Variants in DOK6 observed in about 807,000 individuals in gnomAD.
DOK6 encodes docking protein 6.
In DOK6, 22 loss-of-function variants were observed where a neutral mutation model predicts 44.0. The ratio of observed to expected loss-of-function variants is 0.50; its 90% confidence interval spans 0.36 to 0.71. The LOEUF is 0.71. DOK6 is among the 30% of genes least tolerant of loss of function. The pLI is 0.00. For missense variants in DOK6, 340 were observed against 416.4 expected (o/e 0.82, Z 1.60); for synonymous variants, 166 against 145.5 (o/e 1.14, Z -1.01).
intron 3 of DOK6, among the ~76,000 whole-genome samples, chr18:69,658,570 C>T (rs1018812636): frequency 3.9e-5 from 6 of 152,050 alleles, no homozygotes; most frequent in Non-Finnish European, 7.4e-5. Flanking sequence ...ACATGAAAGC[C>T]AAGAACAGGC....
Position 69,848,189 on chromosome 18 carries a change from T to C in DOK6, c.*6806T>C, listed in dbSNP as rs1055708426. On this transcript the variant is annotated 3_prime_UTR_variant, in exon 8 of 8. Transcript: ENST00000382713. ...AATCTCTAAAATATATTAAATAATG[T>C]GTTATATATTTGCTTTTTGTAAATC... 2.0e-5 allele frequency: 3 copies of C among 152,198 alleles called. No homozygotes were observed. Among genetic ancestry groups the C allele is most frequent in the African/African-American group, 7.2e-5 (3 of 41,448 alleles). The allele number at this position is 152,198 out of a possible 1,614,324, so 9.4% of individuals were successfully genotyped here. A position where few individuals can be genotyped will look rare whatever the true frequency, so the allele number is the denominator to read the frequency against.
chr18:69,739,680 T>G (rs1236092577), intron 6 of DOK6, among the ~76,000 whole-genome samples: 4 of 152,190 alleles, frequency 2.6e-5, no homozygotes, highest in African/African-American at 9.7e-5. Context: ...AGTAGTAAAT[T>G]TTATTAATAT....
At chr18:69,513,788 A>C (rs12454783) in intron 1 of DOK6, among the ~76,000 whole-genome samples, 1 of 151,978 alleles carries the variant, frequency 6.6e-6, no homozygotes, top group Admixed American at 6.6e-5. Flanking sequence ...CCAAAGGATG[A>C]ACATGCTTCT....
At chr18:69,517,860 A>G (rs1431533559) in intron 1 of DOK6, among the ~76,000 whole-genome samples, 6 of 152,074 alleles carry the variant, frequency 3.9e-5, no homozygotes, top group African/African-American at 1.2e-4. Flanking sequence ...CTCTGTCCCA[A>G]TTTAATCTTT....
chr18:69,745,722 G>A (rs935057535), intron 6 of DOK6, among the ~76,000 whole-genome samples: 1 of 152,182 alleles, frequency 6.6e-6, no homozygotes, highest in African/African-American at 2.4e-5. Flanking sequence ...GTACTTAAAA[G>A]GTGTTGAGTG....
At chr18:69,822,523 G>A (rs570288514) in intron 7 of DOK6, among the ~76,000 whole-genome samples, 1 of 152,308 alleles carries the variant, frequency 6.6e-6, no homozygotes, top group South Asian at 2.1e-4. Context: ...TACAAGTTTG[G>A]GGAACCCCAG....
intron 1 of DOK6, among the ~76,000 whole-genome samples, chr18:69,533,164 C>T (rs1472452662): frequency 1.3e-5 from 2 of 152,038 alleles, no homozygotes; most frequent in East Asian, 3.9e-4. Flanking sequence ...TGAAACAAAA[C>T]AGTTCTTTTC....
chr18:69,788,225 TCTC>T (rs1320274789), intron 7 of DOK6, among the ~76,000 whole-genome samples: 4 of 152,044 alleles, frequency 2.6e-5, no homozygotes, highest in Admixed American at 2.6e-4. Flanking sequence ...GCCCTAAAGT[TCTC>T]CTCACAAAGC....
chr18:69,744,795 G>A (rs1041576499), intron 6 of DOK6, among the ~76,000 whole-genome samples: 8 of 151,814 alleles, frequency 5.3e-5, no homozygotes, highest in Admixed American at 2.0e-4. Context: ...GCGTGGTGAC[G>A]GGTGCCTGTA....
intron 3 of DOK6, chr18:69,659,945 TA>T: frequency 9.5e-6 from 1 of 105,078 alleles, no homozygotes; most frequent in African/African-American, 3.1e-5. Context: ...TTTATATATA[TA>T]ACATATATGT....
At chr18:69,723,580 A>G (rs144901781) in intron 5 of DOK6, among the ~76,000 whole-genome samples, 71 of 152,352 alleles carry the variant, frequency 4.7e-4, no homozygotes, top group Admixed American at 9.2e-4. Flanking sequence ...CCATTGGGGA[A>G]GGTGGCAGAG....
At chr18:69,580,194 G>A (rs1268410481) in intron 2 of DOK6, among the ~76,000 whole-genome samples, 2 of 152,034 alleles carry the variant, frequency 1.3e-5, no homozygotes, top group Non-Finnish European at 2.9e-5. Flanking sequence ...GGTGTCAGGT[G>A]GACTGGGTTT....
intron 7 of DOK6, among the ~76,000 whole-genome samples, chr18:69,784,401 A>C (rs1221401663): frequency 6.6e-6 from 1 of 151,916 alleles, no homozygotes; most frequent in Non-Finnish European, 1.5e-5. Flanking sequence ...TCATGGTTTT[A>C]TATGGAGTTT....
At chr18:69,558,588 T>C (rs1211084138) in intron 1 of DOK6, among the ~76,000 whole-genome samples, 1 of 152,162 alleles carries the variant, frequency 6.6e-6, no homozygotes, top group Non-Finnish European at 1.5e-5. Flanking sequence ...CTTTCATTAT[T>C]TGATGAGATG....
At chr18:69,774,047 T>TGA (rs1979967407) in intron 7 of DOK6, among the ~76,000 whole-genome samples, 1 of 144,262 alleles carries the variant, frequency 6.9e-6, no homozygotes, top group Admixed American at 7.0e-5. Context: ...AAAGAATTTG[T>TGA]GAGATATATA....
At chr18:69,663,291 C>T (rs1407529692) in intron 3 of DOK6, 1 of 152,000 alleles carries the variant, frequency 6.6e-6, no homozygotes, top group African/African-American at 2.4e-5. Flanking sequence ...GATTAGAAAT[C>T]AGAGGATGAA....
At chr18:69,529,073 T>C (rs1202619346) in intron 1 of DOK6, among the ~76,000 whole-genome samples, 1 of 152,236 alleles carries the variant, frequency 6.6e-6, no homozygotes, top group Non-Finnish European at 1.5e-5. Context: ...TTTGTGTGTG[T>C]GTGCTTTGTG....
chr18:69,525,791 T>C (rs1374474677), intron 1 of DOK6, among the ~76,000 whole-genome samples: 3 of 152,198 alleles, frequency 2.0e-5, no homozygotes, highest in Admixed American at 6.5e-5. Flanking sequence ...AAAAGTTTCT[T>C]TATGCACATC....
At position 69,401,099 on chromosome 18, in the gene DOK6, C is replaced by A. The variant is rs1467409919; in HGVS notation, c.-146C>A. On this transcript the variant is annotated 5_prime_UTR_variant, in exon 1 of 8. Coordinates refer to ENST00000382713, the MANE Select transcript of DOK6 (RefSeq NM_152721.6). ...CCTGCAGGCGACCCCGCGTCCCCAC[C>A]GGCGGGAGCTCGGGGAAGAGCGGGC... is the stretch of plus-strand genomic sequence containing the variant. 3 of 721,484 alleles carry A rather than the reference C, an allele frequency of 4.2e-6. No individual in the cohort carries two copies. Among genetic ancestry groups the A allele is most frequent in the East Asian group, 4.5e-5 (1 of 22,256 alleles). The allele number at this position is 721,484 out of a possible 1,614,324, so 44.7% of individuals were successfully genotyped here. A position where few individuals can be genotyped will look rare whatever the true frequency, so the allele number is the denominator to read the frequency against.
Sources: gnomAD v4.1 joint callset for allele counts (sites outside exome capture counted in the v4.1 genomes callset) on GRCh38, gnomAD v4.1.1 for gene constraint, MANE v1.5 for transcripts, NCBI Gene and HGNC (gene_info 2026-07-23, HGNC 2026-07-21) for gene names.